DYNC2I1: variants seen among roughly 807,000 people sequenced by gnomAD.
DYNC2I1 encodes dynein 2 intermediate chain 1.
A neutral mutation model predicts 133.4 loss-of-function variants in DYNC2I1; 89 were observed. That is an observed-to-expected ratio of 0.67 (90% CI 0.56 to 0.80). The LOEUF (loss-of-function observed/expected upper bound fraction) is 0.80. Ranked by LOEUF, DYNC2I1 falls within the 30% of genes least tolerant of loss-of-function variation. The pLI is 0.00. For missense variants in DYNC2I1, 1,291 were observed against 1,314.5 expected (o/e 0.98, Z 0.28); for synonymous variants, 504 against 484.3 (o/e 1.04, Z -0.54).
At chr7:158,865,642 C>G (rs1263868415) in intron 1 of DYNC2I1, among the ~76,000 whole-genome samples, 1 of 152,198 alleles carries the variant, frequency 6.6e-6, no homozygotes, top group Non-Finnish European at 1.5e-5. Flanking sequence ...TGAGTCTCCT[C>G]ACCCCAGTCC....
Position 158,945,764 on chromosome 7 carries a change from A to G in DYNC2I1, c.3186A>G (p.Gly1062=), listed in dbSNP as rs1169316600. The change falls in exon 25 of 25, where the codon GGA becomes GGG. Residue 1062 remains glycine, a synonymous_variant. Coordinates refer to ENST00000407559, the MANE Select transcript of DYNC2I1 (RefSeq NM_018051.5). The surrounding 1 kb of genome is among the most constrained non-coding windows in gnomAD (Gnocchi z 4.1). ...LLLQEALWPE[G]KLHK is the part of the protein sequence containing the mutation. ...TGCAGGAAGCCCTGTGGCCAGAGGG[A>G]AAACTGCACAAGTAGCGGGTGTGGC... 1.3e-6 allele frequency: 2 copies of G among 1,572,464 alleles called. No individual in the cohort carries two copies. Among genetic ancestry groups the G allele is most frequent in the Non-Finnish European group, 8.6e-7 (1 of 1,158,276 alleles).
chr7:158,849,245 T>G, the DYNC2I1 span, among the ~76,000 whole-genome samples: 11 of 152,304 alleles, frequency 7.2e-5, no homozygotes, highest in South Asian at 2.3e-3. Flanking sequence ...AAATTTGAGA[T>G]GTTTAAATAA....
chr7:158,892,773 G>A (rs1351745991), intron 8 of DYNC2I1, among the ~76,000 whole-genome samples: 3 of 151,710 alleles, frequency 2.0e-5, no homozygotes, highest in South Asian at 2.1e-4. Flanking sequence ...AAACCCCATC[G>A]CTACTAAAAA....
chr7:158,899,070 G>T (rs1402912753), intron 8 of DYNC2I1, among the ~76,000 whole-genome samples: 2 of 152,122 alleles, frequency 1.3e-5, no homozygotes, highest in Non-Finnish European at 2.9e-5. Flanking sequence ...ACTAAAATCT[G>T]CAAACGCTCA....
chr7:158,886,820 C>T (rs557868452), intron 6 of DYNC2I1, among the ~76,000 whole-genome samples: 2 of 152,162 alleles, frequency 1.3e-5, no homozygotes, highest in East Asian at 1.9e-4. Context: ...AGGCTGGTCC[C>T]GAACTCCTGG....
At chr7:158,910,526 G>A (rs1042780351) in intron 11 of DYNC2I1, among the ~76,000 whole-genome samples, 2 of 150,968 alleles carry the variant, frequency 1.3e-5, no homozygotes, top group African/African-American at 2.4e-5. Flanking sequence ...GGCTGTGTCA[G>A]GCTTGTGGGC....
chr7:158,936,149 C>T (rs1850724737), intron 23 of DYNC2I1, among the ~76,000 whole-genome samples: 1 of 152,160 alleles, frequency 6.6e-6, no homozygotes, highest in Non-Finnish European at 1.5e-5. Context: ...CGAGATAGTG[C>T]CATTGCACTC....
intron 1 of DYNC2I1, among the ~76,000 whole-genome samples, chr7:158,857,686 C>T (rs1321710163): frequency 6.7e-6 from 1 of 148,868 alleles, no homozygotes; most frequent in Admixed American, 6.7e-5. Context: ...TACAGATGTC[C>T]GCCACCAAGC....
At chr7:158,878,437 C>G (rs4495368) in intron 4 of DYNC2I1, among the ~76,000 whole-genome samples, 2 of 45,644 alleles carry the variant, frequency 4.4e-5, no homozygotes, top group Non-Finnish European at 4.4e-5. Flanking sequence ...GAGTGCCGGG[C>G]GCCATGTGGG....
the DYNC2I1 span, among the ~76,000 whole-genome samples, chr7:158,844,335 G>A: frequency 6.6e-6 from 1 of 152,104 alleles, no homozygotes; most frequent in Admixed American, 6.5e-5. Context: ...GCCAGACCTG[G>A]AGGGCACCTT....
At chr7:158,856,839 T>C in intron 1 of DYNC2I1, 89 bp downstream of exon 1, 1 of 1,210,554 alleles carries the variant, frequency 8.3e-7, no homozygotes. Context: ...CGCCCTCCCT[T>C]TGCGCAGCGG....
Position 158,929,030 on chromosome 7 carries a change from A to G in DYNC2I1, c.2486-1425A>G, listed in dbSNP as rs80189437. 5.8e-3 allele frequency among the ~76,000 whole-genome samples: 880 copies of G among 152,378 alleles called. 59 individuals are homozygous for G. The East Asian group carries it at 0.13, about 22-fold the overall frequency. ...AAATGTTTTGTAGTACATGATGGTC[A>G]TATAAAGGATATCCTGGGGTGGTGA... On this transcript the variant is annotated intron_variant, in intron 20 of 24. Coordinates refer to ENST00000407559, the MANE Select transcript of DYNC2I1 (RefSeq NM_018051.5).
At chr7:158,931,904 A>G (rs557167127) in intron 21 of DYNC2I1, among the ~76,000 whole-genome samples, 3 of 152,296 alleles carry the variant, frequency 2.0e-5, no homozygotes, top group South Asian at 2.1e-4. Flanking sequence ...AAGGCTCTGC[A>G]GTGGAGTTCA....
intron 24 of DYNC2I1, among the ~76,000 whole-genome samples, chr7:158,943,770 T>C (rs1228749182): frequency 1.3e-5 from 2 of 152,152 alleles, no homozygotes; most frequent in Non-Finnish European, 2.9e-5. Context: ...TGGCTTTCCA[T>C]GAAGGAGAAC....
chr7:158,916,638 G>A (rs1465478842), intron 14 of DYNC2I1, among the ~76,000 whole-genome samples: 367 of 71,440 alleles, frequency 5.1e-3, no homozygotes, highest in African/African-American at 0.018. Context: ...ACGTCTACAC[G>A]CTGGTTGACA....
intron 8 of DYNC2I1, among the ~76,000 whole-genome samples, chr7:158,893,925 A>G (rs1845491721): frequency 6.6e-6 from 1 of 151,998 alleles, no homozygotes. Context: ...TATACCATCT[A>G]TCATAGTGCT....
intron 15 of DYNC2I1, among the ~76,000 whole-genome samples, chr7:158,920,371 G>C (rs942533647): frequency 6.7e-6 from 1 of 148,650 alleles, no homozygotes; most frequent in Non-Finnish European, 1.5e-5. Context: ...GTACCACAGC[G>C]TGTGGCCTCC....
chr7:158,866,347 C>T (rs957424580), intron 1 of DYNC2I1, among the ~76,000 whole-genome samples: 1 of 151,742 alleles, frequency 6.6e-6, no homozygotes, highest in South Asian at 2.1e-4. Flanking sequence ...CCCATGTCTC[C>T]TGGTTGGACT....
intron 23 of DYNC2I1, among the ~76,000 whole-genome samples, chr7:158,938,435 T>G (rs1221239113): frequency 6.6e-6 from 1 of 152,152 alleles, no homozygotes; most frequent in Non-Finnish European, 1.5e-5. Flanking sequence ...CTGAGAGAAT[T>G]CACCATCCTC....
Sources: gnomAD v4.1 joint callset for allele counts (sites outside exome capture counted in the v4.1 genomes callset) on GRCh38, gnomAD v4.1.1 for gene constraint, Gnocchi (gnomAD v3.1) non-coding constraint, MANE v1.5 for transcripts, NCBI Gene and HGNC (gene_info 2026-07-23, HGNC 2026-07-21) for gene names.